Variants in KCNQ5 observed in about 807,000 individuals in gnomAD.
KCNQ5 encodes potassium voltage-gated channel subfamily Q member 5.
In KCNQ5, 30 loss-of-function variants were observed where a neutral mutation model predicts 98.2. The observed-to-expected ratio is 0.31, with a 90% CI of 0.23 to 0.41. The LOEUF (loss-of-function observed/expected upper bound fraction) is 0.41. Among genes scored for constraint, KCNQ5 ranks in the 10% least tolerant of loss-of-function variants. The probability of loss-of-function intolerance (pLI) is 1.00; values close to 1 mark genes in which losing one functional copy is unlikely to be tolerated. For synonymous variants in KCNQ5, 458 were observed against 449.4 expected (o/e 1.02, Z -0.24); for missense variants, 835 against 1,182.5 (o/e 0.71, Z 4.31).
intron 4 of KCNQ5, 107 bp downstream of exon 4, chr6:73,077,604 T>C: frequency 1.5e-6 from 2 of 1,352,946 alleles, no homozygotes; most frequent in Non-Finnish European, 2.0e-6. Flanking sequence ...TTGCAGAAAA[T>C]GGTTAAAACA....
intron 1 of KCNQ5, among the ~76,000 whole-genome samples, chr6:72,672,344 C>T (rs1018714062): frequency 3.3e-5 from 5 of 152,032 alleles, no homozygotes; most frequent in African/African-American, 1.2e-4. Context: ...GTGATCCACG[C>T]ATCTCTGCCT....
In KCNQ5 at chr6:72,941,396, T is replaced by TTTCCTCCTTCCCTCCCTCCCTTCTTTCC. The variant is rs1395208826; in HGVS notation, c.399-62493_399-62466dup. Among the ~76,000 whole-genome samples the TTTCCTCCTTCCCTCCCTCCCTTCTTTCC allele has an allele frequency of 5.7e-5, 6 of 105,114 alleles. No homozygotes were observed. In the South Asian group the frequency reaches 1.3e-3, roughly 22 times the overall value. The allele number at this position is 105,114 out of a possible 152,430, so 69.0% of individuals were successfully genotyped here. Reference sequence around the variant, plus strand: ...TCTTTCCTCCTTCCTTCCTTCCTCCTTTCCTCCTTCCCTCCCTCCCTTCTT... The same window carrying TTTCCTCCTTCCCTCCCTCCCTTCTTTCC: ...TCTTTCCTCCTTCCTTCCTTCCTCCTTTCCTCCTTCCCTCCCTCCCTTCTTTCCTTCCTCCTTCCCTCCCTCCCTTCTT... On this transcript the variant is annotated intron_variant, in intron 1 of 13. Coordinates refer to ENST00000370398, the MANE Select transcript of KCNQ5 (RefSeq NM_019842.4).
At chr6:72,872,707 A>C (rs984548568) in intron 1 of KCNQ5, among the ~76,000 whole-genome samples, 2 of 152,110 alleles carry the variant, frequency 1.3e-5, no homozygotes, top group Non-Finnish European at 2.9e-5. Flanking sequence ...ACAACGAGGA[A>C]AAATTTTCAT....
chr6:73,089,526 G>A (rs1429928491), intron 5 of KCNQ5, among the ~76,000 whole-genome samples: 2 of 152,076 alleles, frequency 1.3e-5, no homozygotes, highest in Non-Finnish European at 1.5e-5. Flanking sequence ...AGTATACACT[G>A]CACCCTATTT....
chr6:73,028,120 T>C (rs1434944449), intron 2 of KCNQ5, among the ~76,000 whole-genome samples: 2 of 152,178 alleles, frequency 1.3e-5, no homozygotes, highest in East Asian at 3.8e-4. Flanking sequence ...TAGAAACTCT[T>C]TATTATGGGG....
intron 1 of KCNQ5, among the ~76,000 whole-genome samples, chr6:72,803,023 A>C (rs1774741153): frequency 6.6e-6 from 1 of 152,164 alleles, no homozygotes; most frequent in African/African-American, 2.4e-5. Flanking sequence ...GATAATCAGG[A>C]AGATTTTCTA....
chr6:72,673,731 A>C (rs1357044177), intron 1 of KCNQ5, among the ~76,000 whole-genome samples: 3 of 152,192 alleles, frequency 2.0e-5, no homozygotes, highest in Non-Finnish European at 4.4e-5. Flanking sequence ...GTTATCCTTT[A>C]TCCTCTGCTT....
At chr6:72,713,367 A>G (rs1223550244) in intron 1 of KCNQ5, among the ~76,000 whole-genome samples, 1 of 152,164 alleles carries the variant, frequency 6.6e-6, no homozygotes, top group Non-Finnish European at 1.5e-5. Context: ...GAGAAGCATC[A>G]CCATCCCATC....
At chr6:72,819,116 G>A (rs934059447) in intron 1 of KCNQ5, among the ~76,000 whole-genome samples, 1 of 151,918 alleles carries the variant, frequency 6.6e-6, no homozygotes, top group South Asian at 2.1e-4. Flanking sequence ...TTTCTTAACA[G>A]TTCGACAATT....
intron 1 of KCNQ5, among the ~76,000 whole-genome samples, chr6:72,882,311 A>C (rs1410415842): frequency 6.6e-6 from 1 of 152,194 alleles, no homozygotes; most frequent in African/African-American, 2.4e-5. Context: ...CCTGCTGTAC[A>C]AAGAGAGCAT....
intron 11 of KCNQ5, among the ~76,000 whole-genome samples, chr6:73,189,771 T>C (rs1765516353): frequency 6.6e-6 from 1 of 152,214 alleles, no homozygotes; most frequent in South Asian, 2.1e-4. Context: ...TCATGGAATT[T>C]GTTGATGAAA....
rs1414188669 is a variant in KCNQ5, at chr6:72,622,635, C to G, written c.398+48C>G. Reference sequence around the variant, plus strand: ...ATGCCCGCTGCAGGGGACCACTGTCCCTGGCCCCCTGGGGCGTGCTCCGCG... The same window carrying G: ...ATGCCCGCTGCAGGGGACCACTGTCGCTGGCCCCCTGGGGCGTGCTCCGCG... On this transcript the variant is annotated intron_variant, in intron 1 of 13. Transcript: ENST00000370398. This position sits in a 1 kb window ranked among gnomAD's most constrained non-coding sequence, Gnocchi z 6.0. The G allele has an allele frequency of 6.2e-7, 1 of 1,600,534 alleles. No individual in the cohort carries two copies. The highest frequency in any genetic ancestry group is 2.3e-5 in the East Asian group (1 of 44,294).
intron 10 of KCNQ5, chr6:73,136,160 C>T (rs919101161): frequency 4.6e-5 from 7 of 152,228 alleles, no homozygotes; most frequent in East Asian, 1.9e-4. Flanking sequence ...TGGTTTCACA[C>T]TGCATTAGAA....
At chr6:73,193,789 C>A (rs1765686315) in intron 13 of KCNQ5, among the ~76,000 whole-genome samples, 1 of 147,788 alleles carries the variant, frequency 6.8e-6, no homozygotes, top group Admixed American at 6.8e-5. Flanking sequence ...TTCAGAATGT[C>A]TTCATAGAGG....
At chr6:72,754,991 G>A (rs896799202) in intron 1 of KCNQ5, among the ~76,000 whole-genome samples, 1 of 151,434 alleles carries the variant, frequency 6.6e-6, no homozygotes, top group Non-Finnish European at 1.5e-5. Context: ...ATTCATGTCT[G>A]TTAGTTTTTT....
At chr6:72,857,577 T>C (rs1048694276) in intron 1 of KCNQ5, among the ~76,000 whole-genome samples, 1 of 152,178 alleles carries the variant, frequency 6.6e-6, no homozygotes, top group Non-Finnish European at 1.5e-5. Flanking sequence ...TGATTAAGCA[T>C]AAAACTAAAA....
intron 1 of KCNQ5, among the ~76,000 whole-genome samples, chr6:72,951,322 G>A (rs959629108): frequency 6.6e-6 from 1 of 152,116 alleles, no homozygotes; most frequent in Non-Finnish European, 1.5e-5. Context: ...TGTCGACCAG[G>A]CTGGAGTGCA....
At chr6:72,708,158 A>C (rs1053181323) in intron 1 of KCNQ5, among the ~76,000 whole-genome samples, 6 of 152,182 alleles carry the variant, frequency 3.9e-5, no homozygotes, top group Non-Finnish European at 7.4e-5. Context: ...GACCTCCTAC[A>C]ATAAGGTTTT....
At chr6:72,924,267 T>C (rs1030654818) in intron 1 of KCNQ5, among the ~76,000 whole-genome samples, 1 of 152,140 alleles carries the variant, frequency 6.6e-6, no homozygotes, top group Non-Finnish European at 1.5e-5. Context: ...TTTTTTGAGA[T>C]TGAAGAACAG....
Sources: allele counts gnomAD v4.1 joint callset (sites outside exome capture counted in the v4.1 genomes callset), GRCh38; gene constraint gnomAD v4.1.1; non-coding constraint Gnocchi (gnomAD v3.1); transcripts MANE v1.5; gene names NCBI Gene and HGNC (gene_info 2026-07-23, HGNC 2026-07-21).